Variants in CNTN1 observed in about 807,000 individuals in gnomAD.
The protein encoded by CNTN1 is contactin 1.
CNTN1 carries 38 observed loss-of-function variants against 126.4 expected under a neutral mutation model. That is an observed-to-expected ratio of 0.30 (90% CI 0.23 to 0.39). The LOEUF is 0.39. CNTN1 is among the 10% of genes least tolerant of loss of function. CNTN1 has a pLI of 1.00. For synonymous variants in CNTN1, 413 were observed against 422.6 expected, an observed-to-expected ratio of 0.98 and a Z score of 0.28; for missense variants, 1,009 against 1,248.4, an observed-to-expected ratio of 0.81 and a Z score of 2.89.
rs1465557095 is a variant in CNTN1, at chr12:41,071,800, A to G, written c.*1765A>G. 1 of 152,178 alleles carries G rather than the reference A, an allele frequency of 6.6e-6. No homozygotes were observed. Among genetic ancestry groups the G allele is most frequent in the African/African-American group, 2.4e-5 (1 of 41,452 alleles). The allele number at this position is 152,178 out of a possible 1,614,324, so 9.4% of individuals were successfully genotyped here. A position where few individuals can be genotyped will look rare whatever the true frequency, so the allele number is the denominator to read the frequency against. ...CAAAATGTCTTCATACTTTAGGGAA[A>G]CGAATACCCTGTATACCTTCTGTAC... On this transcript the variant is annotated 3_prime_UTR_variant, in exon 24 of 24. Transcript: ENST00000551295.
At chr12:40,830,921 TTACATA>T (rs1169387576) in intron 1 of CNTN1, among the ~76,000 whole-genome samples, 2 of 57,328 alleles carry the variant, frequency 3.5e-5, no homozygotes, top group African/African-American at 1.1e-4. Flanking sequence ...TAAGTGGTAG[TTACATA>T]TACATATACA....
intron 1 of CNTN1, among the ~76,000 whole-genome samples, chr12:40,770,618 C>A (rs10506174): frequency 0.21 from 32,585 of 151,846 alleles, 3,733 homozygotes; most frequent in East Asian, 0.43. Context: ...TAGCCTATAC[C>A]AATTCACATA....
chr12:40,919,655 T>G lies in CNTN1; in HGVS notation c.227+884T>G, dbSNP rs139625398. On this transcript the variant is annotated intron_variant, in intron 4 of 23. Coordinates refer to ENST00000551295, the MANE Select transcript of CNTN1 (RefSeq NM_001843.4). ...TAAAAAGTTCTTACAAAAGAGAATA[T>G]CCCTTTCCACCCATTTGATTCTAAC... Among the ~76,000 whole-genome samples, 9 of 152,260 alleles carry G rather than the reference T, an allele frequency of 5.9e-5. No homozygotes were observed. The East Asian group carries it at 1.7e-3, about 29-fold the overall frequency.
At chr12:40,875,056 A>G (rs1592191081) in intron 1 of CNTN1, among the ~76,000 whole-genome samples, 2 of 152,304 alleles carry the variant, frequency 1.3e-5, no homozygotes, top group East Asian at 3.9e-4. Flanking sequence ...CTCTAGGACT[A>G]GTTCTCCATC....
intron 23 of CNTN1, among the ~76,000 whole-genome samples, chr12:41,058,106 T>C (rs1949865062): frequency 6.6e-6 from 1 of 151,926 alleles, no homozygotes; most frequent in Non-Finnish European, 1.5e-5. Context: ...CGCAAGAACC[T>C]CAACATGGAA....
chr12:40,779,350 C>T (rs1405898315), intron 1 of CNTN1, among the ~76,000 whole-genome samples: 2 of 151,752 alleles, frequency 1.3e-5, no homozygotes, highest in African/African-American at 2.4e-5. Flanking sequence ...AAGAACTTAA[C>T]CTTACTCACC....
intron 23 of CNTN1, among the ~76,000 whole-genome samples, chr12:41,063,717 A>G (rs1592485013): frequency 6.6e-6 from 1 of 152,184 alleles, no homozygotes; most frequent in East Asian, 1.9e-4. Context: ...AGCCACAGTT[A>G]TTGGTCTGGG....
At chr12:40,847,044 T>G (rs144355501) in intron 1 of CNTN1, among the ~76,000 whole-genome samples, 1,824 of 152,128 alleles carry the variant, frequency 0.012, 15 homozygotes, top group Middle Eastern at 0.048. Context: ...AATTTTGTAT[T>G]TTTAGTAGAG....
intron 1 of CNTN1, among the ~76,000 whole-genome samples, chr12:40,739,470 G>A (rs1372918586): frequency 2.6e-5 from 4 of 152,042 alleles, no homozygotes; most frequent in African/African-American, 9.7e-5. Context: ...GCATAAGGAT[G>A]TCAGATTTAG....
At chr12:40,919,039 A>G (rs1289249785) in intron 4 of CNTN1, among the ~76,000 whole-genome samples, 3 of 152,158 alleles carry the variant, frequency 2.0e-5, no homozygotes, top group Admixed American at 6.6e-5. Flanking sequence ...TATAATGGAA[A>G]TCATGTTTTT....
chr12:40,928,041 C>T (rs550159559), intron 6 of CNTN1, among the ~76,000 whole-genome samples: 53 of 152,176 alleles, frequency 3.5e-4, no homozygotes, highest in Admixed American at 1.6e-3. Context: ...CACATAACCA[C>T]TGAGGATTCA....
chr12:40,994,141 G>T (rs966097827), intron 17 of CNTN1, among the ~76,000 whole-genome samples: 2 of 152,160 alleles, frequency 1.3e-5, no homozygotes, highest in African/African-American at 2.4e-5. Flanking sequence ...ATATTGTAAA[G>T]AAATCATTTT....
intron 9 of CNTN1, among the ~76,000 whole-genome samples, chr12:40,934,669 C>T (rs371652193): frequency 1.3e-4 from 19 of 151,860 alleles, no homozygotes; most frequent in African/African-American, 3.9e-4. Flanking sequence ...CACTTTCTCC[C>T]GTCTCTCCCA....
At chr12:40,923,174 A>C (rs1945513729) in intron 5 of CNTN1, among the ~76,000 whole-genome samples, 2 of 151,998 alleles carry the variant, frequency 1.3e-5, no homozygotes, top group African/African-American at 4.8e-5. Context: ...AGTAGGAATA[A>C]ATTTAATTAT....
At chr12:40,865,493 A>C (rs1943264991) in intron 1 of CNTN1, among the ~76,000 whole-genome samples, 1 of 152,084 alleles carries the variant, frequency 6.6e-6, no homozygotes, top group Admixed American at 6.6e-5. Flanking sequence ...ATTTAGATTT[A>C]TGACTTATTC....
At chr12:40,756,289 T>C (rs1007453312) in intron 1 of CNTN1, among the ~76,000 whole-genome samples, 2 of 151,972 alleles carry the variant, frequency 1.3e-5, no homozygotes, top group African/African-American at 4.8e-5. Context: ...TTAGAGCGAG[T>C]GATCTGGGAA....
At chr12:41,012,795 G>C (rs1226472899) in intron 17 of CNTN1, among the ~76,000 whole-genome samples, 1 of 152,162 alleles carries the variant, frequency 6.6e-6, no homozygotes, top group East Asian at 1.9e-4. Context: ...CTGAATGAAA[G>C]GACAGAGTTG....
chr12:40,738,706 A>G (rs546957467), intron 1 of CNTN1, among the ~76,000 whole-genome samples: 2 of 152,214 alleles, frequency 1.3e-5, no homozygotes, highest in South Asian at 2.1e-4. Context: ...GAAAATCTCA[A>G]TAGTCAATAA....
intron 15 of CNTN1, among the ~76,000 whole-genome samples, chr12:40,970,241 C>T (rs1313344819): frequency 6.6e-6 from 1 of 151,956 alleles, no homozygotes; most frequent in African/African-American, 2.4e-5. Flanking sequence ...ACAGCACCCC[C>T]TTTTCAGACT....
Sources: allele counts gnomAD v4.1 joint callset (sites outside exome capture counted in the v4.1 genomes callset), GRCh38; gene constraint gnomAD v4.1.1; transcripts MANE v1.5; gene names NCBI Gene and HGNC (gene_info 2026-07-23, HGNC 2026-07-21).